The following PDE1A variants were observed in gnomAD, a reference collection of about 807,000 sequenced individuals.
The protein encoded by PDE1A is phosphodiesterase 1A, also known as dual specificity calcium/calmodulin-dependent 3',5'-cyclic nucleotide phosphodiesterase 1A.
Under a neutral mutation model 61.7 loss-of-function variants are expected in PDE1A, and 35 were observed. The ratio of observed to expected loss-of-function variants is 0.57; its 90% CI spans 0.43 to 0.75. The LOEUF is 0.75. Among genes scored for constraint, PDE1A ranks in the 30% least tolerant of loss-of-function variants. The pLI, the probability that PDE1A is intolerant of heterozygous loss-of-function variation, is 0.00. For missense variants in PDE1A, 597 were observed against 630.6 expected, an observed-to-expected ratio of 0.95 and a Z score of 0.57; for synonymous variants, 232 against 213.2, an observed-to-expected ratio of 1.09 and a Z score of -0.77.
At chr2:182,202,799 A>G (rs1195391012) in intron 8 of PDE1A, among the ~76,000 whole-genome samples, 2 of 152,224 alleles carry the variant, frequency 1.3e-5, no homozygotes, top group African/African-American at 2.4e-5. Flanking sequence ...TTAGTAGAAA[A>G]TAAGGCACCC....
At chr2:182,687,523 C>A in the PDE1A span, among the ~76,000 whole-genome samples, 3 of 152,136 alleles carry the variant, frequency 2.0e-5, no homozygotes, top group African/African-American at 4.8e-5. Context: ...CACACCAAAA[C>A]CCCATCTGTA....
At chr2:182,325,325 T>C (rs1331285409) in intron 1 of PDE1A, among the ~76,000 whole-genome samples, 1 of 151,782 alleles carries the variant, frequency 6.6e-6, no homozygotes, top group Non-Finnish European at 1.5e-5. Flanking sequence ...TAAAAATGAA[T>C]CAAAGATCTA....
intron 1 of PDE1A, among the ~76,000 whole-genome samples, chr2:182,290,497 A>C (rs1245195656): frequency 6.6e-6 from 1 of 151,992 alleles, no homozygotes; most frequent in East Asian, 1.9e-4. Flanking sequence ...TAATCTTAAA[A>C]CATGAAAAAA....
downstream of PDE1A, among the ~76,000 whole-genome samples, chr2:182,146,290 T>C (rs1445047339): frequency 6.6e-6 from 1 of 152,182 alleles, no homozygotes; most frequent in Non-Finnish European, 1.5e-5. Context: ...AAGAGAACCA[T>C]AGATGCACAT....
At chr2:182,575,830 C>T in the PDE1A span, among the ~76,000 whole-genome samples, 1 of 146,324 alleles carries the variant, frequency 6.8e-6, no homozygotes, top group Non-Finnish European at 1.5e-5. Context: ...CTTTGCTCCT[C>T]ATCTTGCAGA....
chr2:182,306,778 T>C (rs1204594605), intron 1 of PDE1A, among the ~76,000 whole-genome samples: 1 of 152,180 alleles, frequency 6.6e-6, no homozygotes, highest in Non-Finnish European at 1.5e-5. Flanking sequence ...TGGATCCTTA[T>C]CTCACTCTTT....
At chr2:182,651,447 C>T in the PDE1A span, among the ~76,000 whole-genome samples, 1 of 152,134 alleles carries the variant, frequency 6.6e-6, no homozygotes, top group African/African-American at 2.4e-5. Flanking sequence ...GATCTTTTTC[C>T]TCCCAAGAGA....
At chr2:182,525,210 GTTC>G (rs964171403), upstream of PDE1A, among the ~76,000 whole-genome samples, 1 of 151,872 alleles carries the variant, frequency 6.6e-6, no homozygotes, top group African/African-American at 2.4e-5. Flanking sequence ...ATAATTATTA[GTTC>G]TTATTATTAT....
chr2:182,235,057 A>G (rs1689898943), intron 3 of PDE1A, among the ~76,000 whole-genome samples: 1 of 152,224 alleles, frequency 6.6e-6, no homozygotes, highest in Non-Finnish European at 1.5e-5. Context: ...CAATATTAAG[A>G]AAGTTATTCA....
chr2:182,691,829 A>C, the PDE1A span, among the ~76,000 whole-genome samples: 1 of 152,010 alleles, frequency 6.6e-6, no homozygotes, highest in Admixed American at 6.6e-5. Flanking sequence ...CAAACAAATT[A>C]CAAGAAAAAA....
chr2:182,516,698 AAGGG>A (rs1310410067), intron 2 of PDE1A, among the ~76,000 whole-genome samples: 1 of 100,722 alleles, frequency 9.9e-6, no homozygotes, highest in Non-Finnish European at 2.0e-5. Flanking sequence ...GGAAGGGAGG[AAGGG>A]AGGAAGGAAG....
chr2:182,640,793 G>C, the PDE1A span, among the ~76,000 whole-genome samples: 2 of 152,042 alleles, frequency 1.3e-5, no homozygotes, highest in Non-Finnish European at 1.5e-5. Context: ...GCCAAGGCAG[G>C]CAGATCACTT....
intron 1 of PDE1A, among the ~76,000 whole-genome samples, chr2:182,362,920 A>G (rs1326503222): frequency 6.6e-6 from 1 of 152,118 alleles, no homozygotes; most frequent in Non-Finnish European, 1.5e-5. Context: ...TTGCAGGAAC[A>G]TGGATGGGCC....
chr2:182,528,852 G>A, the PDE1A span, among the ~76,000 whole-genome samples: 5 of 152,230 alleles, frequency 3.3e-5, no homozygotes, highest in South Asian at 1.0e-3. Flanking sequence ...CTTCCAGGTG[G>A]TGTTGAGCCT....
At chr2:182,341,585 T>C (rs921056616) in intron 1 of PDE1A, among the ~76,000 whole-genome samples, 5 of 152,136 alleles carry the variant, frequency 3.3e-5, no homozygotes, top group East Asian at 1.9e-4. Context: ...AGGTGTGACA[T>C]GCAGTTTTAT....
chr2:182,678,215 G>C, the PDE1A span, among the ~76,000 whole-genome samples: 1 of 152,168 alleles, frequency 6.6e-6, no homozygotes, highest in African/African-American at 2.4e-5. Flanking sequence ...ATGAGGTCAG[G>C]GGTTTGAGAC....
chr2:182,146,106 C>G (rs2125260439), downstream of PDE1A, among the ~76,000 whole-genome samples: 1 of 152,280 alleles, frequency 6.6e-6, no homozygotes, highest in African/African-American at 2.4e-5. Flanking sequence ...AAATACACAT[C>G]CCTCCTTTCT....
the PDE1A span, among the ~76,000 whole-genome samples, chr2:182,559,672 T>C: frequency 4.6e-5 from 7 of 152,160 alleles, no homozygotes; most frequent in Admixed American, 1.3e-4. Context: ...AACAAGATAC[T>C]TAATAGAATG....
the PDE1A span, among the ~76,000 whole-genome samples, chr2:182,704,139 G>T: frequency 2.0e-5 from 3 of 150,678 alleles, no homozygotes; most frequent in East Asian, 3.9e-4. Context: ...CGAATCCGGG[G>T]GGCAGAGGTT....
Sources: gnomAD v4.1 joint callset for allele counts (sites outside exome capture counted in the v4.1 genomes callset) on GRCh38, gnomAD v4.1.1 for gene constraint, MANE v1.5 for transcripts, NCBI Gene and HGNC (gene_info 2026-07-23, HGNC 2026-07-21) for gene names.